RBM19: variants seen among roughly 807,000 people sequenced by gnomAD.
RBM19 encodes the protein RNA binding motif protein 19, also known as probable RNA-binding protein 19.
In RBM19, 94 loss-of-function variants were observed where a neutral mutation model predicts 116.8. The ratio of observed to expected loss-of-function variants is 0.80; its 90% CI spans 0.68 to 0.95. The LOEUF (loss-of-function observed/expected upper bound fraction) is 0.95. Among genes scored for constraint, RBM19 ranks in the 40% least tolerant of loss-of-function variants. RBM19 has a pLI of 0.00. For synonymous variants in RBM19, 475 were observed against 494.1 expected (o/e 0.96, Z 0.51); for missense variants, 1,161 against 1,220.7 (o/e 0.95, Z 0.73).
rs747426617 is a variant in RBM19, at chr12:113,920,695, G to A, written c.2306-5C>T. The A allele has an allele frequency of 5.0e-6, 8 of 1,612,630 alleles. No homozygotes were observed. The Admixed American group carries it at 6.7e-5, about 13-fold the overall frequency. On this transcript the variant is annotated splice_region_variant and splice_polypyrimidine_tract_variant and intron_variant, in intron 18 of 23. Transcript: ENST00000261741. ...ACCCCATGGAAAGGAGCACTCCTGA[G>A]AGAGAGAGGTGGAAATCACACCAGT...
chr12:113,899,865 C>T (rs1322933283), intron 21 of RBM19, among the ~76,000 whole-genome samples: 1 of 152,066 alleles, frequency 6.6e-6, no homozygotes. Flanking sequence ...AACAATGAGC[C>T]AACGGCGGCC....
intron 21 of RBM19, among the ~76,000 whole-genome samples, chr12:113,883,842 T>A (rs1463020979): frequency 6.6e-6 from 1 of 152,026 alleles, no homozygotes; most frequent in East Asian, 1.9e-4. Flanking sequence ...GCTATAAACA[T>A]GAATAGGGGG....
Position 113,822,291 on chromosome 12 carries a change from G to C in RBM19, c.*933C>G, listed in dbSNP as rs1238307072. 1 of 152,290 alleles carries C rather than the reference G, an allele frequency of 6.6e-6. No homozygotes were observed. Among genetic ancestry groups the C allele is most frequent in the African/African-American group, 2.4e-5 (1 of 41,482 alleles). 9.4% of individuals were successfully genotyped at this position (152,290 alleles called of 1,614,324 possible). A position where few individuals can be genotyped will look rare whatever the true frequency, so the allele number is the denominator to read the frequency against. ...TCCGTCTTGCCCTCTGCCTGGTGCT[G>C]GCACAGGCCCTTCCAGGCGGGAGGC... On this transcript the variant is annotated 3_prime_UTR_variant, in exon 24 of 24. Coordinates refer to ENST00000261741, the MANE Select transcript of RBM19 (RefSeq NM_016196.4).
At chr12:113,911,418 A>C (rs1466888641) in intron 21 of RBM19, among the ~76,000 whole-genome samples, 1 of 152,188 alleles carries the variant, frequency 6.6e-6, no homozygotes, top group Non-Finnish European at 1.5e-5. Context: ...AAAAACCAGG[A>C]AAACGCTGCC....
intron 16 of RBM19, among the ~76,000 whole-genome samples, chr12:113,935,182 C>T (rs1283660656): frequency 6.6e-6 from 1 of 152,142 alleles, no homozygotes; most frequent in Non-Finnish European, 1.5e-5. Flanking sequence ...TGGGAGCCAC[C>T]ACGTGTCCCC....
intron 22 of RBM19, among the ~76,000 whole-genome samples, chr12:113,853,592 C>CA (rs1400018151): frequency 6.6e-6 from 1 of 152,242 alleles, no homozygotes; most frequent in Non-Finnish European, 1.5e-5. Context: ...TTTCTTCCTT[C>CA]AGGACCAGCC....
At chr12:113,875,480 T>C (rs1189543911) in intron 21 of RBM19, among the ~76,000 whole-genome samples, 1 of 152,126 alleles carries the variant, frequency 6.6e-6, no homozygotes, top group African/African-American at 2.4e-5. Context: ...CCGAGAGGAA[T>C]GGACTCTGGA....
intron 13 of RBM19, among the ~76,000 whole-genome samples, chr12:113,942,969 T>C (rs1870711353): frequency 6.6e-6 from 1 of 151,530 alleles, no homozygotes; most frequent in Non-Finnish European, 1.5e-5. Context: ...CAGGGTCCCC[T>C]CTCCTGCACT....
In RBM19 at chr12:113,959,869, T is replaced by G. The variant is rs763546088; in HGVS notation, c.374A>C (p.Glu125Ala). 6.2e-7 allele frequency: 1 copy of G among 1,614,104 alleles called. No homozygotes were observed. The highest frequency in any genetic ancestry group is 8.5e-7 in the Non-Finnish European group (1 of 1,180,014). ...EKKKKVAGQL[E>A]KLKEDTEFQE... ...TGGGCAACAGGACAGACTCACCTTC[T>G]CCAGTTGACCTGCCACCTTTTTCTT... Residue 125 changes from glutamate to alanine, a missense_variant, in exon 4 of 24, where the codon GAG (glutamate) becomes GCG (alanine). Physicochemically the swap from Glu to Ala is moderately radical, Grantham distance 107. Coordinates refer to ENST00000261741, the MANE Select transcript of RBM19 (RefSeq NM_016196.4).
chr12:113,912,616 C>T (rs1053959727), intron 21 of RBM19, among the ~76,000 whole-genome samples: 1 of 152,236 alleles, frequency 6.6e-6, no homozygotes, highest in African/African-American at 2.4e-5. Flanking sequence ...CGCAGGGCTG[C>T]TGTGCGGCTT....
chr12:113,857,187 A>G (rs546529481), intron 22 of RBM19, among the ~76,000 whole-genome samples: 1 of 152,328 alleles, frequency 6.6e-6, no homozygotes, highest in African/African-American at 2.4e-5. Context: ...CAGTGGAGAA[A>G]AGACGCTGCC....
At chr12:113,900,111 G>A (rs1881590632) in intron 21 of RBM19, among the ~76,000 whole-genome samples, 1 of 152,246 alleles carries the variant, frequency 6.6e-6, no homozygotes, top group South Asian at 2.1e-4. Flanking sequence ...TAGGCGTGCA[G>A]TGAGGGAAAA....
chr12:113,957,059 C>A (rs1056373622), intron 6 of RBM19, among the ~76,000 whole-genome samples: 1 of 152,184 alleles, frequency 6.6e-6, no homozygotes, highest in African/African-American at 2.4e-5. Flanking sequence ...CACTTCTGCC[C>A]CATTGGTGGG....
chr12:113,966,216 C>G lies in RBM19; in HGVS notation c.12G>C (p.Leu4=). The stretch of plus-strand genomic sequence containing the variant: ...CCCCATTCGGGAGATTCTTCACGAT[C>G]AGTCGCGACATGGCGCAGGGTCCCC... The part of the protein sequence containing the change: MSR[L]IVKNLPNGMK... Residue 4 remains leucine (L), a synonymous_variant, in exon 1 of 24, where the codon CTG becomes CTC. Transcript: ENST00000261741. 6.2e-7 allele frequency: 1 copy of G among 1,614,280 alleles called. No homozygotes were observed. Among genetic ancestry groups the G allele is most frequent in the Non-Finnish European group, 8.5e-7 (1 of 1,180,056 alleles).
chr12:113,938,561 C>T (rs1303096978), intron 15 of RBM19, among the ~76,000 whole-genome samples: 2 of 152,132 alleles, frequency 1.3e-5, no homozygotes, highest in Non-Finnish European at 2.9e-5. Flanking sequence ...GTAGTGGCAC[C>T]GCAAGGGTAT....
At chr12:113,835,207 G>A (rs555576248) in intron 23 of RBM19, among the ~76,000 whole-genome samples, 82 of 152,242 alleles carry the variant, frequency 5.4e-4, no homozygotes, top group Middle Eastern at 3.4e-3. Context: ...CTCACACAGT[G>A]TCCAGCACCT....
At position 113,908,573 on chromosome 12, in the gene RBM19, C is replaced by CAAAA. The variant is rs11338829; in HGVS notation, c.2558+6392_2558+6395dup. On this transcript the variant is annotated intron_variant, in intron 21 of 23. Transcript: ENST00000261741. ...GTTCACACCTCAAGGAAGAAAATAG[C>CAAAA]AAAAAAAAAAAAAAAAAAAAAAAAA... Among the ~76,000 whole-genome samples the CAAAA allele has an allele frequency of 7.9e-3, 264 of 33,214 alleles. 2 individuals are homozygous for CAAAA. The highest frequency in any genetic ancestry group is 0.024 in the East Asian group (15 of 626). The allele number at this position is 33,214 out of a possible 152,430, so 21.8% of individuals were successfully genotyped here. A position where few individuals can be genotyped will look rare whatever the true frequency, so the allele number is the denominator to read the frequency against.
At chr12:113,894,850 G>A (rs779354604) in intron 21 of RBM19, among the ~76,000 whole-genome samples, 15 of 152,212 alleles carry the variant, frequency 9.9e-5, no homozygotes, top group Admixed American at 2.6e-4. Context: ...ACCCTTGTGC[G>A]ACGACACTAA....
At chr12:113,895,956 A>T (rs1392579319) in intron 21 of RBM19, among the ~76,000 whole-genome samples, 1 of 151,910 alleles carries the variant, frequency 6.6e-6, no homozygotes, top group African/African-American at 2.4e-5. Flanking sequence ...ACATGTACAT[A>T]TCTATGTATC....
Sources: allele counts gnomAD v4.1 joint callset (sites outside exome capture counted in the v4.1 genomes callset), GRCh38; gene constraint gnomAD v4.1.1; transcripts MANE v1.5; gene names NCBI Gene and HGNC (gene_info 2026-07-23, HGNC 2026-07-21).